The following PHKA2 variants were observed in gnomAD, a reference collection of about 807,000 sequenced individuals.
PHKA2 encodes the protein phosphorylase b kinase regulatory subunit alpha, liver isoform.
Under a neutral mutation model 102.0 loss-of-function variants are expected in PHKA2, and 31 were observed. The ratio of observed to expected loss-of-function variants is 0.30; its 90% confidence interval spans 0.23 to 0.41. PHKA2 has a LOEUF of 0.41. Ranked by LOEUF, PHKA2 falls within the 10% of genes least tolerant of loss-of-function variation. The pLI is 1.00. For synonymous variants in PHKA2, 455 were observed against 416.2 expected (o/e 1.09, Z -1.13); for missense variants, 858 against 1,023.1 (o/e 0.84, Z 2.20).
At chrX:18,947,293 T>A (rs999897226) in intron 5 of PHKA2, among the ~76,000 whole-genome samples, 2 of 112,511 alleles carry the variant, frequency 1.8e-5, no homozygotes, top group Non-Finnish European at 3.8e-5. Flanking sequence ...GTGGCTTTTT[T>A]AAAACCAGCC....
chrX:18,950,036 T>G (rs1038946517), intron 4 of PHKA2, among the ~76,000 whole-genome samples: 3 of 111,796 alleles, frequency 2.7e-5, no homozygotes, highest in Non-Finnish European at 5.7e-5. Context: ...GGGGAGCATC[T>G]GTGGCACATG....
chrX:18,953,804 C>G (rs963518822), intron 2 of PHKA2, among the ~76,000 whole-genome samples: 1 of 110,598 alleles, frequency 9.0e-6, no homozygotes, highest in African/African-American at 3.3e-5. Context: ...CTGGCCAACA[C>G]GGTAAAACCC....
At chrX:18,938,434 C>T (rs192525859) in intron 10 of PHKA2, among the ~76,000 whole-genome samples, 193 bp downstream of exon 10, 10 of 113,425 alleles carry the variant, frequency 8.8e-5, no homozygotes, top group Non-Finnish European at 1.3e-4. Context: ...GGGCTCTGCC[C>T]AAATTGCAGA....
chrX:18,937,237 G>T (rs1305813062), intron 10 of PHKA2, among the ~76,000 whole-genome samples: 1 of 109,699 alleles, frequency 9.1e-6, no homozygotes, highest in East Asian at 2.9e-4. Context: ...CATGTAACCT[G>T]CACAAAGACA....
chrX:18,934,983 G>T (rs1320206676), intron 11 of PHKA2, among the ~76,000 whole-genome samples: 6 of 112,528 alleles, frequency 5.3e-5, no homozygotes, highest in African/African-American at 1.3e-4. Flanking sequence ...GGCCATGTGT[G>T]TGTGGGCCTG....
At chrX:18,919,728 C>CAAAAAAAAAAAAAAAA (rs56042937) in intron 18 of PHKA2, among the ~76,000 whole-genome samples, 11 of 27,484 alleles carry the variant, frequency 4.0e-4, no homozygotes, top group East Asian at 1.2e-3. Context: ...CAAACAACAA[C>CAAAAAAAAAAAAAAAA]AAAAAAAAAA....
intron 5 of PHKA2, among the ~76,000 whole-genome samples, 179 bp downstream of exon 5, chrX:18,948,565 C>T (rs2048624594): frequency 8.9e-6 from 1 of 112,249 alleles, no homozygotes; most frequent in Non-Finnish European, 1.9e-5. Flanking sequence ...ACCTGAAACC[C>T]CCAACTCTAT....
Position 18,940,034 on chromosome X carries a change from G to A in PHKA2, c.879C>T (p.Cys293=). 2 of 1,196,534 alleles carry A rather than the reference G, an allele frequency of 1.7e-6. No individual in the cohort carries two copies. The highest frequency in any genetic ancestry group is 2.3e-6 in the Non-Finnish European group (2 of 881,661). ...IISKLQGRYG[C]CRFLRDGYKT... ...TATAACCATCTCGAAGGAAGCGACAGCATCCATAACGCCCCTAATAAGAGA... is the reference window on the plus strand; with the variant it reads ...TATAACCATCTCGAAGGAAGCGACAACATCCATAACGCCCCTAATAAGAGA... The change falls in exon 9 of 33, where the codon TGC becomes TGT. Residue 293 remains cysteine, a synonymous_variant. Transcript: ENST00000379942.
At chrX:18,894,069 C>A in intron 32 of PHKA2, 135 bp downstream of exon 32, 1 of 609,328 alleles carries the variant, frequency 1.6e-6, no homozygotes. Flanking sequence ...ATTTTCTAAG[C>A]AAGTGGTTGA....
At chrX:18,980,117 T>C (rs746691511) in intron 1 of PHKA2, among the ~76,000 whole-genome samples, 1 of 112,856 alleles carries the variant, frequency 8.9e-6, no homozygotes, top group Non-Finnish European at 1.9e-5. Context: ...GGCAGTATGC[T>C]TGGTAAAAGT....
intron 1 of PHKA2, among the ~76,000 whole-genome samples, chrX:18,960,241 C>T (rs970697585): frequency 6.3e-5 from 7 of 111,974 alleles, no homozygotes; most frequent in Non-Finnish European, 9.4e-5. Context: ...CACCCCTGGC[C>T]GGCTGTGGTT....
chrX:18,914,075 C>T (rs1164135252), intron 19 of PHKA2, among the ~76,000 whole-genome samples: 1 of 112,621 alleles, frequency 8.9e-6, no homozygotes, highest in Non-Finnish European at 1.9e-5. Flanking sequence ...ATTGTATGTG[C>T]TAGACCTGTA....
intron 26 of PHKA2, 32 bp downstream of exon 26, chrX:18,905,726 C>G: frequency 2.0e-6 from 2 of 976,280 alleles, no homozygotes; most frequent in Middle Eastern, 2.6e-4. Context: ...GAGGCAGCTC[C>G]CTGAAGACGT....
intron 20 of PHKA2, among the ~76,000 whole-genome samples, chrX:18,909,420 A>G (rs1039862491): frequency 8.9e-6 from 1 of 112,190 alleles, no homozygotes; most frequent in African/African-American, 3.2e-5. Context: ...AGTTTCAGAA[A>G]GGGGTAGCTG....
chrX:18,914,104 A>T (rs933277665), intron 19 of PHKA2, among the ~76,000 whole-genome samples: 4 of 112,718 alleles, frequency 3.5e-5, no homozygotes, highest in African/African-American at 1.3e-4. Flanking sequence ...GCAGCGCAGG[A>T]GGTTTACTGA....
In PHKA2 at chrX:18,918,690, C is replaced by G. The variant is rs1399285016; in HGVS notation, c.2128G>C (p.Glu710Gln). ...AGAGTTAATAACATACATGGAACTT[C>G]CAAACCCTTTGCTTTTGCCATCACA... ...LSVMAKAKGL[E>Q]VPFVPMTLPT... Residue 710 changes from glutamate to glutamine, a missense_variant, in exon 19 of 33, where the codon GAA becomes CAA. Physicochemically the swap from Glu to Gln is conservative, Grantham distance 29. Transcript: ENST00000379942. The G allele has an allele frequency of 8.3e-7, 1 of 1,207,944 alleles. No homozygotes were observed. Among genetic ancestry groups the G allele is most frequent in the Non-Finnish European group, 1.1e-6 (1 of 893,083 alleles).
intron 19 of PHKA2, among the ~76,000 whole-genome samples, chrX:18,917,583 A>T (rs2048041593): frequency 8.9e-6 from 1 of 111,841 alleles, no homozygotes; most frequent in Non-Finnish European, 1.9e-5. Context: ...TTAATCTAGA[A>T]TTCTATACCC....
intron 1 of PHKA2, among the ~76,000 whole-genome samples, chrX:18,966,375 A>G (rs968283562): frequency 4.5e-5 from 5 of 110,859 alleles, no homozygotes; most frequent in African/African-American, 1.6e-4. Context: ...TACAGGCGTG[A>G]GCCACCATGT....
Position 18,924,140 on chromosome X carries a change from G to A in PHKA2, c.1715-6C>T, listed in dbSNP as rs2048171256. 2 of 1,179,266 alleles carry A rather than the reference G, an allele frequency of 1.7e-6. No individual in the cohort carries two copies. Among genetic ancestry groups the A allele is most frequent in the Non-Finnish European group, 2.3e-6 (2 of 867,021 alleles). On this transcript the variant is annotated splice_region_variant and splice_polypyrimidine_tract_variant and intron_variant, in intron 16 of 32. Transcript: ENST00000379942. Reference sequence around the variant, plus strand: ...AATGTCTGAGCCATCATTTGCTAAGGAAAAAAAGTGATGAATTAGTTTAGT... The same window carrying A: ...AATGTCTGAGCCATCATTTGCTAAGAAAAAAAAGTGATGAATTAGTTTAGT...
Sources: allele counts gnomAD v4.1 joint callset (sites outside exome capture counted in the v4.1 genomes callset), GRCh38; gene constraint gnomAD v4.1.1; transcripts MANE v1.5; gene names NCBI Gene and HGNC (gene_info 2026-07-23, HGNC 2026-07-21).